The following ZC3H12C variants were observed in gnomAD, a reference collection of about 807,000 sequenced individuals.
ZC3H12C encodes probable ribonuclease ZC3H12C.
ZC3H12C carries 20 observed loss-of-function variants against 76.3 expected under a neutral mutation model. That is an observed-to-expected ratio of 0.26 (90% CI 0.18 to 0.38). The LOEUF (loss-of-function observed/expected upper bound fraction) is 0.38. Ranked by LOEUF, ZC3H12C falls within the 10% of genes least tolerant of loss-of-function variation. The probability of loss-of-function intolerance (pLI) is 1.00; values close to 1 mark genes in which losing one functional copy is unlikely to be tolerated. For synonymous variants in ZC3H12C, 352 were observed against 399.6 expected (o/e 0.88, Z 1.42); for missense variants, 874 against 1,086.5 (o/e 0.80, Z 2.75).
Position 110,164,282 on chromosome 11 carries a change from A to C in ZC3H12C, c.1256-59A>C. ...CTACAAGTTAAAATCATAGGGCCAAACTGAGTTTTCAGGATCTGATGGTAT... is the reference window on the plus strand; with the variant it reads ...CTACAAGTTAAAATCATAGGGCCAACCTGAGTTTTCAGGATCTGATGGTAT... On this transcript the variant is annotated intron_variant, in intron 5 of 5. Coordinates refer to ENST00000278590, the MANE Select transcript of ZC3H12C (RefSeq NM_033390.2). This position sits in a 1 kb window ranked among gnomAD's most constrained non-coding sequence, Gnocchi z 5.7. The C allele has an allele frequency of 6.9e-7, 1 of 1,444,108 alleles. No individual in the cohort carries two copies. The highest frequency in any genetic ancestry group is 9.2e-7 in the Non-Finnish European group (1 of 1,087,138). The allele number at this position is 1,444,108 out of a possible 1,614,324, so 89.5% of individuals were successfully genotyped here.
At chr11:110,126,859 A>G (rs1412213784) in intron 1 of ZC3H12C, among the ~76,000 whole-genome samples, 1 of 152,166 alleles carries the variant, frequency 6.6e-6, no homozygotes, top group Non-Finnish European at 1.5e-5. Flanking sequence ...TTTCTACCCC[A>G]TATTAATACT....
intron 1 of ZC3H12C, among the ~76,000 whole-genome samples, chr11:110,130,324 G>T (rs540493962): frequency 1.2e-4 from 18 of 152,292 alleles, no homozygotes; most frequent in African/African-American, 3.8e-4. Context: ...TTAAAAATCA[G>T]TTCTATTTGT....
chr11:110,109,473 T>TC (rs762766251), intron 1 of ZC3H12C, among the ~76,000 whole-genome samples: 74 of 152,338 alleles, frequency 4.9e-4, no homozygotes, highest in Non-Finnish European at 8.1e-4. Flanking sequence ...TTTGTGGAGT[T>TC]CCCTGACCTC....
intron 2 of ZC3H12C, among the ~76,000 whole-genome samples, chr11:110,149,245 G>A (rs912188597): frequency 3.9e-5 from 6 of 152,242 alleles, no homozygotes; most frequent in Non-Finnish European, 8.8e-5. Context: ...GGAAAGTCCT[G>A]GTAACTCGGG....
At position 110,170,477 on chromosome 11, in the gene ZC3H12C, G is replaced by A. The variant is rs867810429; in HGVS notation, c.*4740G>A. ...AGATAAATATATTGTAATTTCACAT[G>A]CTATAGCTTTATTCTGTAAGATTAA... On this transcript the variant is annotated 3_prime_UTR_variant, in exon 6 of 6. Coordinates refer to ENST00000278590, the MANE Select transcript of ZC3H12C (RefSeq NM_033390.2). 4 of 152,114 alleles carry A rather than the reference G, an allele frequency of 2.6e-5. No homozygotes were observed. Among genetic ancestry groups the A allele is most frequent in the African/African-American group, 9.7e-5 (4 of 41,424 alleles). 9.4% of individuals were successfully genotyped at this position (152,114 alleles called of 1,614,324 possible).
chr11:110,107,407 G>A (rs1591459029), intron 1 of ZC3H12C, among the ~76,000 whole-genome samples: 1 of 152,082 alleles, frequency 6.6e-6, no homozygotes, highest in East Asian at 1.9e-4. Flanking sequence ...TTCTGAGACA[G>A]GATCTCACTC....
chr11:110,145,582 A>C (rs1055748881), intron 2 of ZC3H12C, among the ~76,000 whole-genome samples: 1 of 150,196 alleles, frequency 6.7e-6, no homozygotes, highest in Non-Finnish European at 1.5e-5. Flanking sequence ...TGAGCTCTAC[A>C]ACAAATTACA....
intron 1 of ZC3H12C, among the ~76,000 whole-genome samples, chr11:110,134,457 G>C (rs144130207): frequency 1.6e-3 from 244 of 152,036 alleles, no homozygotes; most frequent in African/African-American, 5.5e-3. Flanking sequence ...GAAGGCCATG[G>C]TGTGGACTTT....
chr11:110,165,391 C>T lies in ZC3H12C; in HGVS notation c.2306C>T (p.Ser769Phe), dbSNP rs1300461870. 1 of 1,614,012 alleles carries T rather than the reference C, an allele frequency of 6.2e-7. No homozygotes were observed. The highest frequency in any genetic ancestry group is 1.1e-5 in the South Asian group (1 of 91,088). ...CCTTCACGACAAAGAAAGCCTTATT[C>T]CCGCCAGGAAGGCCTGGGAAGCTGG... ...SSPSRQRKPY[S>F]RQEGLGSWER... Residue 769 changes from serine (S) to phenylalanine (F), a missense_variant, in exon 6 of 6, where the codon TCC becomes TTC. Around this residue, in one of 3 missense-constraint regions of ZC3H12C, gnomAD observed 395 missense variants for 434.4 expected, o/e 0.91. Transcript: ENST00000278590.
intron 1 of ZC3H12C, among the ~76,000 whole-genome samples, chr11:110,128,793 A>C (rs1861803775): frequency 6.7e-6 from 1 of 150,310 alleles, no homozygotes; most frequent in African/African-American, 2.4e-5. Flanking sequence ...GAAGAATTAC[A>C]TTTATTAGCC....
intron 3 of ZC3H12C, among the ~76,000 whole-genome samples, chr11:110,155,145 TGGGCCTGGTGGC>T (rs1477404835): frequency 6.6e-6 from 1 of 151,902 alleles, no homozygotes; most frequent in African/African-American, 2.4e-5. Flanking sequence ...AAAAATTAGC[TGGGCCTGGTGGC>T]GGGCACCTGT....
intron 1 of ZC3H12C, among the ~76,000 whole-genome samples, chr11:110,098,740 A>G (rs1004678215): frequency 1.3e-5 from 2 of 152,256 alleles, no homozygotes; most frequent in African/African-American, 2.4e-5. Flanking sequence ...CCAGAGCCAT[A>G]GGCTATACCA....
At chr11:110,105,898 T>A (rs1006675200) in intron 1 of ZC3H12C, among the ~76,000 whole-genome samples, 8 of 152,248 alleles carry the variant, frequency 5.3e-5, no homozygotes, top group Non-Finnish European at 2.9e-5. Context: ...GTGATAAATG[T>A]ATATATAGGT....
intron 1 of ZC3H12C, among the ~76,000 whole-genome samples, chr11:110,120,920 C>T (rs1462354381): frequency 6.6e-6 from 1 of 152,088 alleles, no homozygotes; most frequent in Non-Finnish European, 1.5e-5. Context: ...AGCTAATCTT[C>T]AATAATAATG....
chr11:110,116,196 C>T (rs1861524000), intron 1 of ZC3H12C, among the ~76,000 whole-genome samples: 1 of 152,186 alleles, frequency 6.6e-6, no homozygotes, highest in African/African-American at 2.4e-5. Context: ...TTCTAAATCA[C>T]TCATTTCCAA....
chr11:110,159,010 C>T (rs1862428842), intron 3 of ZC3H12C, among the ~76,000 whole-genome samples: 1 of 149,266 alleles, frequency 6.7e-6, no homozygotes, highest in African/African-American at 2.5e-5. Context: ...TTTGCCCAGT[C>T]ATGGTTCAAT....
At chr11:110,138,841 G>A (rs900629798) in intron 2 of ZC3H12C, among the ~76,000 whole-genome samples, 4 of 152,184 alleles carry the variant, frequency 2.6e-5, no homozygotes, top group African/African-American at 9.7e-5. Flanking sequence ...TTACAGGCAT[G>A]AGCCACCACT....
In ZC3H12C at chr11:110,165,520, TC is replaced by T; in HGVS notation, c.2438del (p.Pro813LeufsTer42). The T allele has an allele frequency of 6.2e-7, 1 of 1,613,840 alleles. No homozygotes were observed. Among genetic ancestry groups the T allele is most frequent in the Non-Finnish European group, 8.5e-7 (1 of 1,179,850 alleles). On this transcript the variant is annotated frameshift_variant, in exon 6 of 6. Transcript: ENST00000278590. LOFTEE classifies it high-confidence loss of function. ...TATGAGCAGTTCACCTTCCAGAGCC[TC>T]CCTGAGCAACAGGAGCCAGCCTGGC... ...PCYEQFTFQSLPEQQEPAWRI... is the reference protein window; with the variant it reads ...PCYEQFTFQSXPEQQEPAWRI...
At chr11:110,147,741 G>A (rs373128579) in intron 2 of ZC3H12C, among the ~76,000 whole-genome samples, 10 of 152,044 alleles carry the variant, frequency 6.6e-5, no homozygotes, top group African/African-American at 2.2e-4. Context: ...AGTTACCAAC[G>A]CAACCATTTG....
Sources: gnomAD v4.1 joint callset for allele counts (sites outside exome capture counted in the v4.1 genomes callset) on GRCh38, gnomAD v4.1.1 for gene constraint, gnomAD v4.1.1 regional missense constraint, Gnocchi (gnomAD v3.1) non-coding constraint, MANE v1.5 for transcripts, NCBI Gene and HGNC (gene_info 2026-07-23, HGNC 2026-07-21) for gene names.